The following KHNYN variants were observed in gnomAD, a reference collection of about 807,000 sequenced individuals.
KHNYN encodes KH and NYN domain containing, also known as protein KHNYN.
Under a neutral mutation model 62.7 loss-of-function variants are expected in KHNYN, and 42 were observed. The ratio of observed to expected loss-of-function variants is 0.67; its 90% CI spans 0.52 to 0.87. KHNYN has a LOEUF of 0.87. Ranked by LOEUF, KHNYN falls within the 40% of genes least tolerant of loss-of-function variation. KHNYN has a pLI of 0.00. For missense variants in KHNYN, 829 were observed against 874.1 expected (o/e 0.95, Z 0.65); for synonymous variants, 347 against 345.6 (o/e 1.00, Z -0.04).
At chr14:24,425,474 T>C (rs1335472162), upstream of KHNYN, among the ~76,000 whole-genome samples, 1 of 152,184 alleles carries the variant, frequency 6.6e-6, no homozygotes, top group Non-Finnish European at 1.5e-5. Context: ...ATGTAATGTC[T>C]GGAGCTCAGG....
rs370698183 is a variant in KHNYN, at chr14:24,431,896, G to C, written c.635G>C (p.Arg212Pro). 6.2e-7 allele frequency: 1 copy of C among 1,614,062 alleles called. No individual in the cohort carries two copies. Among genetic ancestry groups the C allele is most frequent in the South Asian group, 1.1e-5 (1 of 91,086 alleles). Residue 212 changes from arginine to proline, a missense_variant, in exon 3 of 8, where the codon CGG becomes CCG. Coordinates refer to ENST00000553935, the MANE Select transcript of KHNYN (RefSeq NM_015299.3). ...GPGALASWEG[R>P]SSALLGAQCQ... ...GGAGCACTGGCTTCTTGGGAGGGGC[G>C]GAGCTCAGCCTTGCTGGGTGCTCAG... is the stretch of plus-strand genomic sequence containing the variant.
intron 5 of KHNYN, 22 bp downstream of exon 5, chr14:24,433,054 C>A (rs1349798476): frequency 1.9e-6 from 3 of 1,600,040 alleles, no homozygotes; most frequent in African/African-American, 2.7e-5. Flanking sequence ...TCTCCTGGCC[C>A]CAGGCTTGAT....
chr14:24,430,418 C>T, intron 1 of KHNYN: 1 of 1,203,728 alleles, frequency 8.3e-7, no homozygotes, highest in South Asian at 2.1e-5. Context: ...CTCCTTCTGG[C>T]CTCCAGGCCG....
chr14:24,428,741 G>C (rs1315644758), upstream of KHNYN: 2 of 1,570,242 alleles, frequency 1.3e-6, no homozygotes, highest in Non-Finnish European at 8.7e-7. Flanking sequence ...CCTGGACAGG[G>C]GTAGGGGGAT....
chr14:24,426,122 T>C (rs895928336), upstream of KHNYN, among the ~76,000 whole-genome samples: 1 of 152,260 alleles, frequency 6.6e-6, no homozygotes, highest in African/African-American at 2.4e-5. Context: ...TTGAATATCA[T>C]TGCAGGTACA....
At chr14:24,435,099 CAG>C (rs779109772) in intron 5 of KHNYN, among the ~76,000 whole-genome samples, 58 of 150,350 alleles carry the variant, frequency 3.9e-4, no homozygotes, top group Non-Finnish European at 6.9e-4. Flanking sequence ...CTTGTGGAAT[CAG>C]AATTACTGAA....
chr14:24,427,668 T>C (rs2043033222), upstream of KHNYN: 2 of 904,056 alleles, frequency 2.2e-6, no homozygotes, highest in Admixed American at 1.9e-5. The surrounding 1 kb of genome is among the most constrained non-coding windows in gnomAD (Gnocchi z 4.4). Flanking sequence ...CAGGGTCCCA[T>C]GCAAAGAGGT....
At chr14:24,436,260 A>G in intron 6 of KHNYN, 81 bp downstream of exon 6, 1 of 1,454,462 alleles carries the variant, frequency 6.9e-7, no homozygotes, top group Non-Finnish European at 9.6e-7. Context: ...CATGGGGTGA[A>G]AACTCTGGGA....
At chr14:24,436,351 C>T (rs767973827) in intron 6 of KHNYN, 37 bp from the exon 7 acceptor site, 2 of 1,574,380 alleles carry the variant, frequency 1.3e-6, no homozygotes, top group Admixed American at 1.7e-5. Context: ...TGGGCAAGGG[C>T]CCCCTCTGTG....
At chr14:24,430,690 C>T (rs1468445644) in intron 1 of KHNYN, 24 bp from the exon 2 acceptor site, 4 of 1,549,056 alleles carry the variant, frequency 2.6e-6, no homozygotes, top group Non-Finnish European at 3.5e-6. Context: ...CAATGAGGCT[C>T]TGAGCTGCCT....
upstream of KHNYN, chr14:24,429,282 C>G: frequency 1.4e-6 from 1 of 701,812 alleles, no homozygotes. Context: ...AGCAGTTGGG[C>G]TTTGGGAGAG....
rs368027665 is a variant in KHNYN, at chr14:24,436,440, C to T, written c.1738C>T (p.Leu580=). ...GNLFMVPDDP[L]GRNGPTLDEF... Reference sequence around the variant, plus strand: ...CCTCTTCATGGTACCTGATGACCCACTGGGGCGAAACGGCCCCACCCTGGA... The same window carrying T: ...CCTCTTCATGGTACCTGATGACCCATTGGGGCGAAACGGCCCCACCCTGGA... Residue 580 remains leucine, a synonymous_variant, in exon 7 of 8, where the codon CTG becomes TTG. Coordinates refer to ENST00000553935, the MANE Select transcript of KHNYN (RefSeq NM_015299.3). The T allele has an allele frequency of 1.9e-6, 3 of 1,613,758 alleles. No homozygotes were observed. The highest frequency in any genetic ancestry group is 1.7e-5 in the Admixed American group (1 of 59,880).
chr14:24,431,575 G>T lies in KHNYN; in HGVS notation c.314G>T (p.Trp105Leu). 6.2e-7 allele frequency: 1 copy of T among 1,613,256 alleles called. No homozygotes were observed. Among genetic ancestry groups the T allele is most frequent in the Non-Finnish European group, 8.5e-7 (1 of 1,179,344 alleles). Reference protein sequence around the residue: ...AQGFFLDCLAWSTSAHLVPRA... With the variant: ...AQGFFLDCLALSTSAHLVPRA... The stretch of plus-strand genomic sequence containing the variant: ...GGCTTCTTCCTTGACTGCCTGGCCT[G>T]GAGCACGTCAGCCCATCTGGTGCCC... Residue 105 changes from tryptophan (W) to leucine (L), a missense_variant, in exon 3 of 8, where the codon TGG (tryptophan) becomes TTG (leucine). Physicochemically the swap from Trp to Leu is moderately conservative, Grantham distance 61. This residue lies in a region of KHNYN where 559 missense variants were observed against 527.0 expected (regional missense o/e 1.06). Transcript: ENST00000553935.
rs778747452 is a variant in KHNYN at position 24,431,582 on chromosome 14, G to A, written c.321G>A (p.Thr107=). The A allele has an allele frequency of 3.7e-6, 6 of 1,613,318 alleles. No individual in the cohort carries two copies. In the South Asian group the frequency reaches 5.5e-5, roughly 15 times the overall value. ...GFFLDCLAWS[T]SAHLVPRAPG... ...TCCTTGACTGCCTGGCCTGGAGCAC[G>A]TCAGCCCATCTGGTGCCCAGGGCGC... Residue 107 remains threonine, a synonymous_variant, in exon 3 of 8, where the codon ACG becomes ACA. Coordinates refer to ENST00000553935, the MANE Select transcript of KHNYN (RefSeq NM_015299.3).
chr14:24,427,538 G>A (rs2043031921), upstream of KHNYN: 2 of 518,488 alleles, frequency 3.9e-6, no homozygotes, highest in Non-Finnish European at 7.0e-6. The surrounding 1 kb of genome is among the most constrained non-coding windows in gnomAD (Gnocchi z 4.4). Context: ...CTGATCCTAG[G>A]GCTGCAGGCA....
chr14:24,433,596 T>C (rs1331555155), intron 5 of KHNYN, among the ~76,000 whole-genome samples: 5 of 152,220 alleles, frequency 3.3e-5, no homozygotes, highest in African/African-American at 4.8e-5. Context: ...AATTAACCTC[T>C]TTGTCTCAGG....
chr14:24,431,322 T>G (rs904423200), intron 2 of KHNYN, 141 bp from the exon 3 acceptor site: 18 of 673,496 alleles, frequency 2.7e-5, no homozygotes, highest in Non-Finnish European at 4.1e-5. Context: ...GATGGGAGTC[T>G]CAGTTTCCTT....
At position 24,441,739 on chromosome 14, in the gene KHNYN, A is replaced by C. The variant is rs748986744; in HGVS notation, c.*4454A>C. On this transcript the variant is annotated 3_prime_UTR_variant, in exon 8 of 8. Transcript: ENST00000553935. ...GGCTTTGGTGATGGCTTTAGCCAGC[A>C]ATTGGGTGGTCTCTAGGCGGCTGCC... The C allele has an allele frequency of 3.7e-5, 59 of 1,602,508 alleles. No individual in the cohort carries two copies. Among genetic ancestry groups the C allele is most frequent in the Non-Finnish European group, 4.7e-5 (55 of 1,176,792 alleles).
chr14:24,435,466 T>C, intron 5 of KHNYN: 1 of 152,640 alleles, frequency 6.6e-6, no homozygotes, highest in Non-Finnish European at 1.5e-5. Flanking sequence ...GGAGGGTGGG[T>C]GAGTGGTCAG....
Sources: allele counts gnomAD v4.1 joint callset (sites outside exome capture counted in the v4.1 genomes callset), GRCh38; gene constraint gnomAD v4.1.1; regional missense constraint gnomAD v4.1.1; non-coding constraint Gnocchi (gnomAD v3.1); transcripts MANE v1.5; gene names NCBI Gene and HGNC (gene_info 2026-07-23, HGNC 2026-07-21).